PRKN: variants seen among roughly 807,000 people sequenced by gnomAD.
PRKN encodes parkin RBR E3 ubiquitin protein ligase.
PRKN carries 56 observed loss-of-function variants against 59.5 expected under a neutral mutation model. The ratio of observed to expected loss-of-function variants is 0.94; its 90% CI spans 0.76 to 1.18. The LOEUF is 1.18. Ranked by LOEUF, PRKN falls within the 50% of genes most tolerant of loss-of-function variation. The pLI, the probability that PRKN is intolerant of heterozygous loss-of-function variation, is 0.00. For missense variants in PRKN, 657 were observed against 596.4 expected, an observed-to-expected ratio of 1.10 and a Z score of -1.06; for synonymous variants, 250 against 222.1, an observed-to-expected ratio of 1.13 and a Z score of -1.12.
chr6:162,096,919 T>C (rs1321954916), intron 4 of PRKN, among the ~76,000 whole-genome samples: 5 of 129,676 alleles, frequency 3.9e-5, no homozygotes, highest in African/African-American at 1.5e-4. Flanking sequence ...CAGGCTGGAG[T>C]GCACTGGCAG....
chr6:162,406,368 C>G (rs1402288413), intron 2 of PRKN, among the ~76,000 whole-genome samples: 2 of 152,188 alleles, frequency 1.3e-5, no homozygotes, highest in East Asian at 3.9e-4. Flanking sequence ...AGTACTCTTA[C>G]CTTCTCTAGT....
chr6:161,767,561 C>T (rs1345730335), intron 7 of PRKN, among the ~76,000 whole-genome samples: 12 of 151,122 alleles, frequency 7.9e-5, no homozygotes, highest in East Asian at 5.8e-4. Context: ...GAAAAAAGAA[C>T]GCTCCGAAGC....
intron 5 of PRKN, among the ~76,000 whole-genome samples, chr6:162,016,665 A>G (rs1006650): frequency 0.7 from 106,866 of 151,976 alleles, 37,875 homozygotes; most frequent in African/African-American, 0.76. Flanking sequence ...TGGTCACTCA[A>G]TAGTAACAAC....
chr6:162,100,182 A>G (rs1562513054), intron 4 of PRKN, among the ~76,000 whole-genome samples: 2 of 152,162 alleles, frequency 1.3e-5, no homozygotes, highest in Non-Finnish European at 2.9e-5. Context: ...TCATCAGTCA[A>G]TGGACACTTA....
At chr6:162,348,404 A>T (rs1784492732) in intron 2 of PRKN, among the ~76,000 whole-genome samples, 1 of 152,208 alleles carries the variant, frequency 6.6e-6, no homozygotes, top group African/African-American at 2.4e-5. Flanking sequence ...ACAAAGCATA[A>T]GTCACAATAT....
chr6:162,557,236 T>G (rs1301274649), intron 1 of PRKN, among the ~76,000 whole-genome samples: 1 of 152,242 alleles, frequency 6.6e-6, no homozygotes, highest in Non-Finnish European at 1.5e-5. Context: ...ATCCCCTGTA[T>G]TCTGGCTGGG....
At chr6:162,206,493 C>G (rs751977778) in intron 3 of PRKN, among the ~76,000 whole-genome samples, 1 of 152,172 alleles carries the variant, frequency 6.6e-6, no homozygotes, top group Non-Finnish European at 1.5e-5. Context: ...AGCTCCTTCC[C>G]TCTTTCCTCC....
intron 4 of PRKN, among the ~76,000 whole-genome samples, chr6:162,150,583 G>A (rs944497912): frequency 2.6e-5 from 4 of 152,232 alleles, no homozygotes; most frequent in South Asian, 2.1e-4. Flanking sequence ...ATCTCACACC[G>A]GGGAAAAATA....
intron 1 of PRKN, among the ~76,000 whole-genome samples, chr6:162,529,329 C>T (rs1778411983): frequency 6.6e-6 from 1 of 152,138 alleles, no homozygotes; most frequent in South Asian, 2.1e-4. Context: ...CTGAAGGGAA[C>T]TAGAAAAGCA....
At chr6:162,592,118 G>T (rs1781334510) in intron 1 of PRKN, among the ~76,000 whole-genome samples, 1 of 152,062 alleles carries the variant, frequency 6.6e-6, no homozygotes, top group Admixed American at 6.6e-5. Context: ...TCCTGCCTTG[G>T]CCTCCCGAAT....
rs189284128 is a variant in PRKN at position 162,516,595 on chromosome 6, T to G, written c.8-73122A>C. Reference sequence around the variant, plus strand: ...GGTGAAACACTGTCTCTACTAAAAATACAAAAATTAGCTGAGCATGGTGGT... The same window carrying G: ...GGTGAAACACTGTCTCTACTAAAAAGACAAAAATTAGCTGAGCATGGTGGT... On this transcript the variant is annotated intron_variant, in intron 1 of 11. Transcript: ENST00000366898. Among the ~76,000 whole-genome samples the G allele has an allele frequency of 2.0e-5, 3 of 151,962 alleles. No individual in the cohort carries two copies. In the East Asian group the frequency reaches 5.8e-4, roughly 30 times the overall value.
intron 7 of PRKN, among the ~76,000 whole-genome samples, chr6:161,595,806 T>C (rs981415157): frequency 6.6e-6 from 1 of 152,184 alleles, no homozygotes; most frequent in Non-Finnish European, 1.5e-5. Flanking sequence ...TGATTGCTTA[T>C]CAGCCAAAAG....
intron 3 of PRKN, among the ~76,000 whole-genome samples, chr6:162,256,836 T>G (rs1779657881): frequency 6.6e-6 from 1 of 152,140 alleles, no homozygotes; most frequent in Non-Finnish European, 1.5e-5. Context: ...AATATGACCT[T>G]GCAGAGGTGA....
rs961698721 is a variant in PRKN, at chr6:161,373,152, C to T, written c.1168-12947G>A. 6.6e-6 allele frequency among the ~76,000 whole-genome samples: 1 copy of T among 152,120 alleles called. No homozygotes were observed. Among genetic ancestry groups the T allele is most frequent in the Non-Finnish European group, 1.5e-5 (1 of 68,010 alleles). On this transcript the variant is annotated intron_variant, in intron 10 of 11. Coordinates refer to ENST00000366898, the MANE Select transcript of PRKN (RefSeq NM_004562.3). This position sits in a 1 kb window ranked among gnomAD's most constrained non-coding sequence, Gnocchi z 4.8. ...TCTCTGGGAAACCGAGGTCTTTGCT[C>T]GTCAGGCCTTCCATGGACTGGGTGA...
chr6:162,394,900 G>A (rs1293708143), intron 2 of PRKN, among the ~76,000 whole-genome samples: 1 of 152,182 alleles, frequency 6.6e-6, no homozygotes, highest in Non-Finnish European at 1.5e-5. Flanking sequence ...CGTTTTCCTA[G>A]TGTAATTAAT....
Position 161,419,604 on chromosome 6 carries a change from T to G in PRKN, c.1084-32727A>C, listed in dbSNP as rs1787998207. Reference sequence around the variant, plus strand: ...GGTTTCACCATGTTGACCAGGCTGGTCTCAAACTCCTGACCTCAAGTGATC... The same window carrying G: ...GGTTTCACCATGTTGACCAGGCTGGGCTCAAACTCCTGACCTCAAGTGATC... On this transcript the variant is annotated intron_variant, in intron 9 of 11. Transcript: ENST00000366898. This position sits in a 1 kb window ranked among gnomAD's most constrained non-coding sequence, Gnocchi z 4.1. Among the ~76,000 whole-genome samples the G allele has an allele frequency of 6.6e-6, 1 of 151,630 alleles. No homozygotes were observed. The highest frequency in any genetic ancestry group is 6.6e-5 in the Admixed American group (1 of 15,218).
chr6:161,783,707 A>G (rs756299356), intron 7 of PRKN: 1 of 506,466 alleles, frequency 2.0e-6, no homozygotes, highest in Admixed American at 2.1e-5. Flanking sequence ...TTGTCACATT[A>G]AAAGCATTAC....
intron 2 of PRKN, among the ~76,000 whole-genome samples, chr6:162,371,211 G>A (rs1785748307): frequency 6.6e-6 from 1 of 152,168 alleles, no homozygotes; most frequent in African/African-American, 2.4e-5. Context: ...ACTGCTAAGT[G>A]CTCATGTATT....
At chr6:162,224,931 C>G (rs567268156) in intron 3 of PRKN, among the ~76,000 whole-genome samples, 2 of 152,266 alleles carry the variant, frequency 1.3e-5, no homozygotes, top group African/African-American at 4.8e-5. Context: ...GTTAGTGGTA[C>G]CCGAAACTCC....
Sources: allele counts gnomAD v4.1 joint callset (sites outside exome capture counted in the v4.1 genomes callset), GRCh38; gene constraint gnomAD v4.1.1; non-coding constraint Gnocchi (gnomAD v3.1); transcripts MANE v1.5; gene names NCBI Gene and HGNC (gene_info 2026-07-23, HGNC 2026-07-21).